The following PLCXD3 variants were observed in gnomAD, a reference collection of about 807,000 sequenced individuals.
PLCXD3 encodes PI-PLC X domain-containing protein 3.
In PLCXD3, 19 loss-of-function variants were observed where a neutral mutation model predicts 25.5. The ratio of observed to expected loss-of-function variants is 0.75; its 90% CI spans 0.52 to 1.09. The LOEUF (loss-of-function observed/expected upper bound fraction) is 1.09, where lower values mean the gene tolerates loss of function less well. Ranked by LOEUF, PLCXD3 falls within the 50% of genes least tolerant of loss-of-function variation. The pLI, the probability that PLCXD3 is intolerant of heterozygous loss-of-function variation, is 0.00. For synonymous variants in PLCXD3, 174 were observed against 137.6 expected, an observed-to-expected ratio of 1.26 and a Z score of -1.85; for missense variants, 411 against 388.1, an observed-to-expected ratio of 1.06 and a Z score of -0.50.
At chr5:41,406,979 C>T (rs756577956) in intron 1 of PLCXD3, among the ~76,000 whole-genome samples, 3 of 152,196 alleles carry the variant, frequency 2.0e-5, no homozygotes, top group Non-Finnish European at 4.4e-5. Flanking sequence ...CTCTACCACC[C>T]TGTCACTAAA....
At chr5:41,471,579 G>A (rs910124359) in intron 1 of PLCXD3, among the ~76,000 whole-genome samples, 7 of 152,006 alleles carry the variant, frequency 4.6e-5, no homozygotes, top group Non-Finnish European at 1.0e-4. Context: ...ATGTGAAAGA[G>A]GACTACTCCA....
At chr5:41,412,010 G>A (rs1746559406) in intron 1 of PLCXD3, among the ~76,000 whole-genome samples, 1 of 150,824 alleles carries the variant, frequency 6.6e-6, no homozygotes, top group Non-Finnish European at 1.5e-5. Context: ...CTGTATGTAT[G>A]TATAGCTGCA....
intron 1 of PLCXD3, among the ~76,000 whole-genome samples, chr5:41,430,487 C>T (rs1234703349): frequency 6.6e-6 from 1 of 152,158 alleles, no homozygotes; most frequent in African/African-American, 2.4e-5. Context: ...ATTTCCACAT[C>T]TTCTTCTGAG....
intron 1 of PLCXD3, among the ~76,000 whole-genome samples, chr5:41,386,531 G>A (rs1163372766): frequency 2.0e-5 from 3 of 151,970 alleles, no homozygotes; most frequent in African/African-American, 7.2e-5. Flanking sequence ...TATTTTTCTT[G>A]TGACTATGTC....
intron 1 of PLCXD3, among the ~76,000 whole-genome samples, chr5:41,430,979 C>A (rs1747085322): frequency 6.6e-6 from 1 of 152,156 alleles, no homozygotes; most frequent in Admixed American, 6.5e-5. Flanking sequence ...ACCAATTGGT[C>A]ATCCTCTAAT....
intron 2 of PLCXD3, among the ~76,000 whole-genome samples, chr5:41,334,910 C>T (rs1411400215): frequency 6.6e-6 from 1 of 152,106 alleles, no homozygotes; most frequent in Non-Finnish European, 1.5e-5. Context: ...CGTGCAGGGA[C>T]TATTTTGTCT....
chr5:41,450,162 G>C (rs767340381), intron 1 of PLCXD3, among the ~76,000 whole-genome samples: 3 of 152,074 alleles, frequency 2.0e-5, no homozygotes, highest in African/African-American at 4.8e-5. Flanking sequence ...AGATCATGAG[G>C]AGCCTGGTGA....
intron 1 of PLCXD3, among the ~76,000 whole-genome samples, chr5:41,504,833 A>G (rs1749022372): frequency 6.6e-6 from 1 of 152,214 alleles, no homozygotes; most frequent in Non-Finnish European, 1.5e-5. Flanking sequence ...ATCATACTTA[A>G]GAATCCATCC....
chr5:41,490,866 T>C (rs536996820), intron 1 of PLCXD3, among the ~76,000 whole-genome samples: 3 of 152,344 alleles, frequency 2.0e-5, no homozygotes, highest in Non-Finnish European at 4.4e-5. Context: ...TCAATTTTGT[T>C]GATCCTTTCA....
rs536039719 is a variant in PLCXD3 at position 41,389,638 on chromosome 5, A to T, written c.104-7104T>A. Among the ~76,000 whole-genome samples the T allele has an allele frequency of 5.9e-5, 9 of 152,274 alleles. No homozygotes were observed. In the East Asian group the frequency reaches 1.7e-3, roughly 29 times the overall value. On this transcript the variant is annotated intron_variant, in intron 1 of 2. Coordinates refer to ENST00000377801, the MANE Select transcript of PLCXD3 (RefSeq NM_001005473.3). ...TCAGTCAACACCATATCTGCTGTTG[A>T]TGTTGGTAACAGTGACCATCAGAAA...
intron 1 of PLCXD3, among the ~76,000 whole-genome samples, chr5:41,386,826 C>A (rs546806542): frequency 6.6e-6 from 1 of 151,848 alleles, no homozygotes; most frequent in East Asian, 1.9e-4. Flanking sequence ...TTAAGCAGAC[C>A]CTCCTGAAAA....
chr5:41,327,546 A>C (rs553574550), intron 2 of PLCXD3, among the ~76,000 whole-genome samples: 1 of 152,308 alleles, frequency 6.6e-6, no homozygotes, highest in South Asian at 2.1e-4. Context: ...TAATTCATTC[A>C]TATTACCCCT....
chr5:41,501,325 G>T (rs1748945561), intron 1 of PLCXD3, among the ~76,000 whole-genome samples: 1 of 151,770 alleles, frequency 6.6e-6, no homozygotes, highest in African/African-American at 2.4e-5. Flanking sequence ...TAATAAATAT[G>T]GTATATACAT....
chr5:41,371,759 A>T (rs764134278), intron 2 of PLCXD3, among the ~76,000 whole-genome samples: 8 of 152,096 alleles, frequency 5.3e-5, no homozygotes, highest in Non-Finnish European at 1.2e-4. Context: ...CTTCTCTTGG[A>T]GCTTTTCAGC....
intron 1 of PLCXD3, among the ~76,000 whole-genome samples, chr5:41,496,111 G>C (rs977027925): frequency 6.6e-6 from 1 of 152,002 alleles, no homozygotes; most frequent in Non-Finnish European, 1.5e-5. Context: ...GAGCAGACTT[G>C]ATCAAGCAGA....
At chr5:41,330,830 G>A (rs1173572445) in intron 2 of PLCXD3, among the ~76,000 whole-genome samples, 13 of 152,012 alleles carry the variant, frequency 8.6e-5, no homozygotes, top group Admixed American at 4.6e-4. Flanking sequence ...TATAAACAGA[G>A]CCAAAGACAA....
At chr5:41,507,330 A>G (rs1044941495) in intron 1 of PLCXD3, among the ~76,000 whole-genome samples, 1 of 152,210 alleles carries the variant, frequency 6.6e-6, no homozygotes, top group Non-Finnish European at 1.5e-5. Flanking sequence ...GGGCCATCAG[A>G]GAGAGAAGGA....
chr5:41,391,252 T>C (rs1675365), intron 1 of PLCXD3, among the ~76,000 whole-genome samples: 37 of 152,234 alleles, frequency 2.4e-4, no homozygotes, highest in African/African-American at 8.7e-4. Context: ...AGAGTACTGT[T>C]ATCACCCCTC....
Position 41,471,765 on chromosome 5 carries a change from C to T in PLCXD3, c.103+38659G>A, listed in dbSNP as rs544934820. On this transcript the variant is annotated intron_variant, in intron 1 of 2. Coordinates refer to ENST00000377801, the MANE Select transcript of PLCXD3 (RefSeq NM_001005473.3). ...ATTAACCAAACAAAAATAATAACTA[C>T]AACATCTTTTCAAGACCTTCCCTTC... Among the ~76,000 whole-genome samples the T allele has an allele frequency of 6.1e-5, 9 of 147,154 alleles. No individual in the cohort carries two copies. The South Asian group carries it at 2.0e-3, about 32-fold the overall frequency.
Sources: gnomAD v4.1 joint callset for allele counts (sites outside exome capture counted in the v4.1 genomes callset) on GRCh38, gnomAD v4.1.1 for gene constraint, MANE v1.5 for transcripts, NCBI Gene and HGNC (gene_info 2026-07-23, HGNC 2026-07-21) for gene names.